The following CDH8 variants were observed in gnomAD, a reference collection of about 807,000 sequenced individuals.
CDH8 encodes the protein cadherin-8.
Under a neutral mutation model 68.1 loss-of-function variants are expected in CDH8, and 17 were observed. The observed-to-expected ratio is 0.25, with a 90% CI of 0.17 to 0.37. The LOEUF (loss-of-function observed/expected upper bound fraction) is 0.37, where lower values mean the gene tolerates loss of function less well. Among genes scored for constraint, CDH8 ranks in the 10% least tolerant of loss-of-function variants. The pLI, the probability that CDH8 is intolerant of heterozygous loss-of-function variation, is 1.00. For missense variants in CDH8, 763 were observed against 999.3 expected (o/e 0.76, Z 3.19); for synonymous variants, 372 against 365.1 (o/e 1.02, Z -0.21).
chr16:61,900,660 T>A (rs992501266), intron 3 of CDH8, among the ~76,000 whole-genome samples: 1 of 152,164 alleles, frequency 6.6e-6, no homozygotes, highest in African/African-American at 2.4e-5. Context: ...AAAATGTTGT[T>A]AAGATGGACA....
chr16:61,899,948 G>A (rs1963939399), intron 3 of CDH8, among the ~76,000 whole-genome samples: 1 of 151,586 alleles, frequency 6.6e-6, no homozygotes, highest in Non-Finnish European at 1.5e-5. Flanking sequence ...CCTGACAATG[G>A]TCACCCAATT....
chr16:61,817,560 T>C lies in CDH8; in HGVS notation c.1196A>G (p.Glu399Gly). The C allele has an allele frequency of 6.2e-7, 1 of 1,613,940 alleles. No individual in the cohort carries two copies. Among genetic ancestry groups the C allele is most frequent in the Non-Finnish European group, 8.5e-7 (1 of 1,179,940 alleles). Residue 399 changes from glutamate to glycine, a missense_variant, in exon 7 of 12, where the codon GAA becomes GGA. By Grantham distance (98) the Glu-to-Gly change is moderately conservative. Coordinates refer to ENST00000577390, the MANE Select transcript of CDH8 (RefSeq NM_001796.5). ...PVFSSPTYLLEVHENAALNSV... is the reference protein window; with the variant it reads ...PVFSSPTYLLGVHENAALNSV... ...GTTTAGAGCAGCATTTTCATGAACT[T>C]CAAGTAGGTAAGTCGGTGAAGAGAA... is the stretch of plus-strand genomic sequence containing the variant.
At chr16:61,700,439 C>A (rs1164635160) in intron 10 of CDH8, among the ~76,000 whole-genome samples, 3 of 151,930 alleles carry the variant, frequency 2.0e-5, no homozygotes, top group Admixed American at 6.6e-5. Flanking sequence ...TGCCACAACG[C>A]CCAGGTAATT....
Position 61,652,007 on chromosome 16 carries a change from A to C in CDH8, c.*1601T>G. On this transcript the variant is annotated 3_prime_UTR_variant, in exon 12 of 12. Transcript: ENST00000577390. ...GATTGAAAAAAAAATTAATGACAAC[A>C]AAGGTATTTATAAAAATATATTTCA... 1 of 791,304 alleles carries C rather than the reference A, an allele frequency of 1.3e-6. No homozygotes were observed. The highest frequency in any genetic ancestry group is 1.5e-6 in the Non-Finnish European group (1 of 653,180). The allele number at this position is 791,304 out of a possible 1,614,324, so 49.0% of individuals were successfully genotyped here. A position where few individuals can be genotyped will look rare whatever the true frequency, so the allele number is the denominator to read the frequency against.
intron 7 of CDH8, among the ~76,000 whole-genome samples, chr16:61,810,263 A>T (rs1405165654): frequency 6.6e-6 from 1 of 152,194 alleles, no homozygotes; most frequent in Non-Finnish European, 1.5e-5. Flanking sequence ...ATTTTCTCGC[A>T]TGCACTTTGA....
intron 11 of CDH8, among the ~76,000 whole-genome samples, chr16:61,654,544 G>A (rs1963397793): frequency 6.6e-6 from 1 of 152,058 alleles, no homozygotes. Flanking sequence ...AGTTTTTCAA[G>A]GCACTCTCCA....
chr16:61,679,705 C>T (rs758402116), intron 10 of CDH8, among the ~76,000 whole-genome samples: 9 of 152,010 alleles, frequency 5.9e-5, no homozygotes, highest in Middle Eastern at 3.4e-3. Flanking sequence ...TGTACTAATG[C>T]GGGGATCAAA....
chr16:61,663,328 T>C (rs1164524690), intron 10 of CDH8, among the ~76,000 whole-genome samples: 2 of 152,050 alleles, frequency 1.3e-5, no homozygotes, highest in Non-Finnish European at 2.9e-5. Flanking sequence ...TTTTGTGTAA[T>C]TGTGTTTTTC....
At chr16:61,887,849 T>G (rs1389641029) in intron 3 of CDH8, among the ~76,000 whole-genome samples, 1 of 152,032 alleles carries the variant, frequency 6.6e-6, no homozygotes, top group Non-Finnish European at 1.5e-5. Flanking sequence ...CAATCATGCT[T>G]GACATATATA....
At chr16:61,937,749 T>C (rs191696956) in intron 2 of CDH8, among the ~76,000 whole-genome samples, 1 of 152,280 alleles carries the variant, frequency 6.6e-6, no homozygotes, top group Admixed American at 6.5e-5. Flanking sequence ...TAAACTTCAA[T>C]GTCTATGAAG....
intron 3 of CDH8, among the ~76,000 whole-genome samples, chr16:61,899,946 T>A (rs2143254106): frequency 6.6e-6 from 1 of 151,890 alleles, no homozygotes; most frequent in Admixed American, 6.6e-5. Flanking sequence ...TACCTGACAA[T>A]GGTCACCCAA....
chr16:61,742,983 T>C (rs1959916941), intron 8 of CDH8, among the ~76,000 whole-genome samples: 1 of 152,232 alleles, frequency 6.6e-6, no homozygotes, highest in Non-Finnish European at 1.5e-5. Flanking sequence ...TTATGCCATT[T>C]TGCAAAGCCT....
chr16:61,779,015 G>A (rs1038015786), intron 8 of CDH8, among the ~76,000 whole-genome samples: 3 of 152,188 alleles, frequency 2.0e-5, no homozygotes, highest in Non-Finnish European at 2.9e-5. Flanking sequence ...GCAGCCCGCT[G>A]TAGTGGGCCA....
chr16:61,991,257 A>G (rs902293496), intron 2 of CDH8, among the ~76,000 whole-genome samples: 3 of 152,208 alleles, frequency 2.0e-5, no homozygotes, highest in South Asian at 2.1e-4. Context: ...ACTCACATCT[A>G]TTAAGGTACT....
chr16:61,769,793 A>T (rs978441709), intron 8 of CDH8, among the ~76,000 whole-genome samples: 8 of 151,980 alleles, frequency 5.3e-5, no homozygotes, highest in Non-Finnish European at 8.8e-5. Flanking sequence ...TTCATGGCCA[A>T]ACTACACTGG....
At chr16:61,985,764 A>T (rs1965614450) in intron 2 of CDH8, among the ~76,000 whole-genome samples, 1 of 152,026 alleles carries the variant, frequency 6.6e-6, no homozygotes, top group African/African-American at 2.4e-5. Flanking sequence ...AAATGCTGGG[A>T]TTACAGGCAT....
At chr16:61,923,266 A>G (rs892235453) in intron 2 of CDH8, among the ~76,000 whole-genome samples, 27 of 152,160 alleles carry the variant, frequency 1.8e-4, no homozygotes, top group African/African-American at 6.3e-4. Flanking sequence ...TCTTCATTCC[A>G]AATTCAACTC....
At chr16:61,655,828 G>A (rs1418996344) in intron 10 of CDH8, 107 bp from the exon 11 acceptor site, 2 of 892,498 alleles carry the variant, frequency 2.2e-6, no homozygotes, top group East Asian at 2.6e-5. Flanking sequence ...AGACAATCCC[G>A]ACTTCAAAGG....
intron 10 of CDH8, among the ~76,000 whole-genome samples, chr16:61,685,221 G>A (rs1964084900): frequency 1.3e-5 from 2 of 151,468 alleles, no homozygotes; most frequent in South Asian, 2.1e-4. Context: ...CATCTTTGTT[G>A]GTTTGGATAA....
Sources: allele counts gnomAD v4.1 joint callset (sites outside exome capture counted in the v4.1 genomes callset), GRCh38; gene constraint gnomAD v4.1.1; transcripts MANE v1.5; gene names NCBI Gene and HGNC (gene_info 2026-07-23, HGNC 2026-07-21).